KCNH5: variants seen among roughly 807,000 people sequenced by gnomAD.
The protein encoded by KCNH5 is potassium voltage-gated channel subfamily H member 5.
In KCNH5, 46 loss-of-function variants were observed where a neutral mutation model predicts 96.1. The ratio of observed to expected loss-of-function variants is 0.48; its 90% CI spans 0.38 to 0.61. The LOEUF (loss-of-function observed/expected upper bound fraction) is 0.61. KCNH5 is among the 20% of genes least tolerant of loss of function. KCNH5 has a pLI of 0.00. For missense variants in KCNH5, 907 were observed against 1,225.8 expected (o/e 0.74, Z 3.88); for synonymous variants, 439 against 449.8 (o/e 0.98, Z 0.30).
At chr14:62,987,786 T>C (rs1193822600) in intron 4 of KCNH5, among the ~76,000 whole-genome samples, 4 of 152,222 alleles carry the variant, frequency 2.6e-5, no homozygotes, top group Non-Finnish European at 4.4e-5. Context: ...GCTTCTATTG[T>C]ATTAAGCCAC....
intron 4 of KCNH5, among the ~76,000 whole-genome samples, chr14:62,996,045 A>G (rs1890900824): frequency 6.6e-6 from 1 of 152,124 alleles, no homozygotes; most frequent in Non-Finnish European, 1.5e-5. Flanking sequence ...TCTACACCCA[A>G]ATTATTTTGA....
intron 7 of KCNH5, among the ~76,000 whole-genome samples, chr14:62,939,284 CCCCTCTGTGGCTCTCCTTCT>C (rs1391207726): frequency 6.6e-6 from 1 of 152,190 alleles, no homozygotes; most frequent in Non-Finnish European, 1.5e-5. Context: ...CTCTTCTCAG[CCCCTCTGTGGCTCTCCTTCT>C]TCAGAGTCTA....
chr14:62,961,354 C>G (rs767813381), intron 6 of KCNH5, among the ~76,000 whole-genome samples: 5 of 152,136 alleles, frequency 3.3e-5, no homozygotes, highest in South Asian at 2.1e-4. Flanking sequence ...AAAACAATCT[C>G]CCTACCCACC....
intron 9 of KCNH5, among the ~76,000 whole-genome samples, chr14:62,782,754 T>C (rs1886246107): frequency 6.6e-6 from 1 of 152,030 alleles, no homozygotes; most frequent in African/African-American, 2.4e-5. Context: ...GAGCTTGCAG[T>C]GAGCTGAGAT....
At chr14:62,876,677 C>T (rs1888379457) in intron 7 of KCNH5, among the ~76,000 whole-genome samples, 1 of 152,166 alleles carries the variant, frequency 6.6e-6, no homozygotes. Flanking sequence ...CAAAACCTCA[C>T]ATACTATATA....
chr14:62,930,371 A>G (rs961379257), intron 7 of KCNH5, among the ~76,000 whole-genome samples: 2 of 152,114 alleles, frequency 1.3e-5, no homozygotes, highest in Non-Finnish European at 2.9e-5. Context: ...CACGTACCAC[A>G]ACAGGGAGAC....
chr14:62,953,097 T>C (rs918368302), intron 6 of KCNH5, among the ~76,000 whole-genome samples: 10 of 151,636 alleles, frequency 6.6e-5, no homozygotes, highest in Admixed American at 1.3e-4. Context: ...CATTATAAAA[T>C]GTTTTACAAG....
At chr14:62,849,591 G>T in intron 8 of KCNH5, 62 bp downstream of exon 8, 1 of 1,355,568 alleles carries the variant, frequency 7.4e-7, no homozygotes, top group Non-Finnish European at 1.1e-6. Flanking sequence ...GACTGGAAAA[G>T]CTTAATGCAT....
At chr14:62,859,659 T>A (rs746765088) in intron 7 of KCNH5, among the ~76,000 whole-genome samples, 1 of 152,220 alleles carries the variant, frequency 6.6e-6, no homozygotes, top group Non-Finnish European at 1.5e-5. Context: ...TAATCGCGCA[T>A]CTGGCCATTT....
Position 63,006,481 on chromosome 14 carries a change from G to A in KCNH5, c.198-9C>T, listed in dbSNP as rs1566538408. ...ATTCCCCATACATAAAACTGGGGGG[G>A]AAAAAAAACAAACAATCGATTTCAC... On this transcript the variant is annotated splice_polypyrimidine_tract_variant and intron_variant, in intron 2 of 10. Coordinates refer to ENST00000322893, the MANE Select transcript of KCNH5 (RefSeq NM_139318.5). 8 of 1,466,264 alleles carry A rather than the reference G, an allele frequency of 5.5e-6. No homozygotes were observed. Among genetic ancestry groups the A allele is most frequent in the Non-Finnish European group, 5.7e-6 (6 of 1,054,948 alleles). 90.8% of individuals were successfully genotyped at this position (1,466,264 alleles called of 1,614,324 possible).
intron 9 of KCNH5, among the ~76,000 whole-genome samples, chr14:62,788,547 G>A (rs1001222218): frequency 3.9e-5 from 6 of 152,136 alleles, no homozygotes; most frequent in Admixed American, 1.3e-4. Flanking sequence ...GTTCTACTGT[G>A]ACTAAAATGC....
chr14:63,014,588 A>T (rs1891289483), intron 2 of KCNH5, among the ~76,000 whole-genome samples: 1 of 152,162 alleles, frequency 6.6e-6, no homozygotes, highest in Non-Finnish European at 1.5e-5. Flanking sequence ...AAGGGATGAG[A>T]GCAGGACTGA....
intron 10 of KCNH5, among the ~76,000 whole-genome samples, chr14:62,709,464 CT>C (rs1403929703): frequency 3.9e-5 from 6 of 152,052 alleles, no homozygotes; most frequent in African/African-American, 1.4e-4. Context: ...TTGCAAACTG[CT>C]CTCTATTGAA....
intron 9 of KCNH5, among the ~76,000 whole-genome samples, chr14:62,799,726 T>TATATATATATAC (rs1213484157): frequency 0.015 from 990 of 68,090 alleles, 10 homozygotes; most frequent in Non-Finnish European, 0.023. Context: ...TATATATATA[T>TATATATATATAC]ACACACACAC....
chr14:62,769,144 C>T (rs115786251), intron 10 of KCNH5, among the ~76,000 whole-genome samples: 1,765 of 152,306 alleles, frequency 0.012, 32 homozygotes, highest in African/African-American at 0.04. Flanking sequence ...TGGCCATGAG[C>T]GAAGCACCTT....
intron 7 of KCNH5, among the ~76,000 whole-genome samples, chr14:62,906,300 C>T (rs1889026395): frequency 6.6e-6 from 1 of 152,068 alleles, no homozygotes; most frequent in Non-Finnish European, 1.5e-5. Flanking sequence ...TAACCACACA[C>T]AGACAGACAC....
rs201636097 is a variant in KCNH5, at chr14:62,886,655, T to A, written c.1370-36803A>T. Reference sequence around the variant, plus strand: ...TGAGCTCTTTGTCTGAAAACTGACTTCATCAATCATACTTTTCAGGGAGAA... The same window carrying A: ...TGAGCTCTTTGTCTGAAAACTGACTACATCAATCATACTTTTCAGGGAGAA... On this transcript the variant is annotated intron_variant, in intron 7 of 10. Coordinates refer to ENST00000322893, the MANE Select transcript of KCNH5 (RefSeq NM_139318.5). Among the ~76,000 whole-genome samples the A allele has an allele frequency of 1.6e-4, 25 of 152,310 alleles. No individual in the cohort carries two copies. The East Asian group carries it at 4.4e-3, about 27-fold the overall frequency.
chr14:62,879,819 T>C (rs1029617279), intron 7 of KCNH5, among the ~76,000 whole-genome samples: 1 of 152,150 alleles, frequency 6.6e-6, no homozygotes, highest in Non-Finnish European at 1.5e-5. Context: ...AATTTCAGAG[T>C]CTATTTTTAT....
intron 10 of KCNH5, among the ~76,000 whole-genome samples, chr14:62,737,699 T>C (rs1462780963): frequency 6.6e-6 from 1 of 152,128 alleles, no homozygotes; most frequent in Non-Finnish European, 1.5e-5. Context: ...TATTGAGAAG[T>C]CAGGCTTCCT....
Sources: allele counts gnomAD v4.1 joint callset (sites outside exome capture counted in the v4.1 genomes callset), GRCh38; gene constraint gnomAD v4.1.1; transcripts MANE v1.5; gene names NCBI Gene and HGNC (gene_info 2026-07-23, HGNC 2026-07-21).